NTNG1: variants seen among roughly 807,000 people sequenced by gnomAD.
The protein encoded by NTNG1 is netrin-G1.
A neutral mutation model predicts 54.0 loss-of-function variants in NTNG1; 16 were observed. The observed-to-expected ratio is 0.30, with a 90% CI of 0.20 to 0.45. The LOEUF (loss-of-function observed/expected upper bound fraction) is 0.45. Among genes scored for constraint, NTNG1 ranks in the 20% least tolerant of loss-of-function variants. NTNG1 has a pLI of 1.00. For synonymous variants in NTNG1, 255 were observed against 263.1 expected, an observed-to-expected ratio of 0.97 and a Z score of 0.30; for missense variants, 530 against 678.7, an observed-to-expected ratio of 0.78 and a Z score of 2.43.
intron 2 of NTNG1, among the ~76,000 whole-genome samples, chr1:107,243,643 C>T (rs977045501): frequency 1.3e-5 from 2 of 152,130 alleles, no homozygotes; most frequent in African/African-American, 4.8e-5. Context: ...TCGTAGTGTG[C>T]ACTGCAGCCT....
intron 2 of NTNG1, among the ~76,000 whole-genome samples, chr1:107,237,632 A>T (rs565822026): frequency 2.0e-5 from 3 of 152,260 alleles, no homozygotes; most frequent in Non-Finnish European, 4.4e-5. Context: ...TGCTATGTGC[A>T]GCCTAGGGAC....
chr1:107,269,477 T>C (rs1211536672), intron 2 of NTNG1, among the ~76,000 whole-genome samples: 2 of 152,240 alleles, frequency 1.3e-5, no homozygotes, highest in African/African-American at 4.8e-5. Context: ...AATGTTAGTT[T>C]GTTTGTTTGT....
intron 2 of NTNG1, among the ~76,000 whole-genome samples, chr1:107,196,953 T>G (rs571723049): frequency 6.6e-6 from 1 of 151,924 alleles, no homozygotes; most frequent in Non-Finnish European, 1.5e-5. Flanking sequence ...TGTGTGTGTG[T>G]GCGCACGTGC....
chr1:107,390,980 A>T (rs1218826810), intron 3 of NTNG1, among the ~76,000 whole-genome samples: 5 of 152,218 alleles, frequency 3.3e-5, no homozygotes, highest in Admixed American at 1.3e-4. Flanking sequence ...CCAGAGAAAC[A>T]TTCCAACTAT....
In NTNG1 at chr1:107,324,581, C is replaced by T. The variant is rs746068557; in HGVS notation, c.546C>T (p.Cys182=). 3.1e-6 allele frequency: 5 copies of T among 1,613,542 alleles called. No homozygotes were observed. In the South Asian group the frequency reaches 3.3e-5, roughly 11 times the overall value. The part of the protein sequence containing the change: ...WQPYQYYATD[C]LDAFHMDPKS... ...CCTATCAGTATTATGCCACAGACTG[C>T]TTAGATGCTTTTCACATGGATCCTA... is the stretch of plus-strand genomic sequence containing the variant. The change falls in exon 3 of 8, where the codon TGC becomes TGT. Residue 182 remains cysteine, a synonymous_variant. Coordinates refer to ENST00000370068, the MANE Select transcript of NTNG1 (RefSeq NM_001113226.3).
chr1:107,155,638 G>A (rs1427213710), intron 2 of NTNG1, among the ~76,000 whole-genome samples: 1 of 152,104 alleles, frequency 6.6e-6, no homozygotes, highest in African/African-American at 2.4e-5. Flanking sequence ...GGGATGATAT[G>A]TGAGAGAGCC....
At chr1:107,457,035 A>C (rs1282887056) in intron 7 of NTNG1, among the ~76,000 whole-genome samples, 3 of 152,252 alleles carry the variant, frequency 2.0e-5, no homozygotes, top group African/African-American at 7.2e-5. Context: ...CATGATTATA[A>C]CCACTAGTAC....
At chr1:107,471,939 T>C (rs1265145391) in intron 7 of NTNG1, among the ~76,000 whole-genome samples, 3 of 152,238 alleles carry the variant, frequency 2.0e-5, no homozygotes, top group Non-Finnish European at 4.4e-5. Context: ...GGTTGTGTTT[T>C]ATATTTTTTT....
chr1:107,186,882 C>A (rs1657498824), intron 2 of NTNG1, among the ~76,000 whole-genome samples: 1 of 152,090 alleles, frequency 6.6e-6, no homozygotes, highest in Non-Finnish European at 1.5e-5. Context: ...CTCTTGCGAT[C>A]CTTGTAACAT....
chr1:107,418,412 C>T (rs1674354446), intron 5 of NTNG1, among the ~76,000 whole-genome samples: 2 of 151,984 alleles, frequency 1.3e-5, no homozygotes, highest in African/African-American at 4.8e-5. Context: ...TGGGAATCAT[C>T]AATTGCTTGC....
In NTNG1 at chr1:107,374,470, G is replaced by T. The variant is rs532716153; in HGVS notation, c.888-20684G>T. Among the ~76,000 whole-genome samples, 11 of 151,840 alleles carry T rather than the reference G, an allele frequency of 7.2e-5. No homozygotes were observed. The East Asian group carries it at 1.9e-3, about 27-fold the overall frequency. ...TGTTTCATTTTAAACCATTTCTATT[G>T]CTGTGTCTTTCACTTCACTAATCAT... On this transcript the variant is annotated intron_variant, in intron 3 of 7. Transcript: ENST00000370068.
At chr1:107,434,825 C>T (rs1344563376) in intron 6 of NTNG1, among the ~76,000 whole-genome samples, 1 of 152,068 alleles carries the variant, frequency 6.6e-6, no homozygotes, top group African/African-American at 2.4e-5. Context: ...TGCATTACTC[C>T]AATATCCACC....
intron 2 of NTNG1, among the ~76,000 whole-genome samples, chr1:107,170,853 C>T (rs1557777989): frequency 6.6e-6 from 1 of 152,216 alleles, no homozygotes; most frequent in Non-Finnish European, 1.5e-5. Flanking sequence ...TTCAAGCTTG[C>T]AATTCCCTTT....
At chr1:107,346,051 C>A (rs1280980122) in intron 3 of NTNG1, among the ~76,000 whole-genome samples, 3 of 152,184 alleles carry the variant, frequency 2.0e-5, no homozygotes, top group Non-Finnish European at 4.4e-5. Context: ...GAGTTGGGGT[C>A]TGGTGTCTCC....
At chr1:107,424,876 G>T (rs1361738323) in intron 5 of NTNG1, among the ~76,000 whole-genome samples, 2 of 152,060 alleles carry the variant, frequency 1.3e-5, no homozygotes, top group East Asian at 1.9e-4. Flanking sequence ...TAGACCATGG[G>T]GTTGGGTAAA....
intron 2 of NTNG1, among the ~76,000 whole-genome samples, chr1:107,194,475 T>G (rs144970039): frequency 6.6e-6 from 1 of 152,078 alleles, no homozygotes; most frequent in Non-Finnish European, 1.5e-5. Context: ...ATACTTTGAT[T>G]TATTCTTCTT....
chr1:107,190,105 A>T (rs1657791412), intron 2 of NTNG1, among the ~76,000 whole-genome samples: 1 of 152,160 alleles, frequency 6.6e-6, no homozygotes, highest in Non-Finnish European at 1.5e-5. Context: ...AGCTCTCCAG[A>T]GTAGTAAAAT....
intron 2 of NTNG1, among the ~76,000 whole-genome samples, chr1:107,162,724 C>A (rs556107475): frequency 1.3e-5 from 2 of 152,156 alleles, no homozygotes; most frequent in African/African-American, 4.8e-5. Flanking sequence ...CTGACCTATA[C>A]AATTTGTATA....
chr1:107,215,506 C>G (rs959744659), intron 2 of NTNG1, among the ~76,000 whole-genome samples: 2 of 152,148 alleles, frequency 1.3e-5, no homozygotes, highest in Non-Finnish European at 2.9e-5. Context: ...TGTTTTTATA[C>G]CAGTACCATG....
Sources: allele counts gnomAD v4.1 joint callset (sites outside exome capture counted in the v4.1 genomes callset), GRCh38; gene constraint gnomAD v4.1.1; transcripts MANE v1.5; gene names NCBI Gene and HGNC (gene_info 2026-07-23, HGNC 2026-07-21).